IL16: variants seen among roughly 807,000 people sequenced by gnomAD.
The protein encoded by IL16 is interleukin 16, also known as pro-interleukin-16.
In IL16, 67 loss-of-function variants were observed where a neutral mutation model predicts 110.1. The ratio of observed to expected loss-of-function variants is 0.61; its 90% CI spans 0.50 to 0.75. IL16 has a LOEUF of 0.75. Among genes scored for constraint, IL16 ranks in the 30% least tolerant of loss-of-function variants. The probability of loss-of-function intolerance (pLI) is 0.00; values close to 1 mark genes in which losing one functional copy is unlikely to be tolerated. For synonymous variants in IL16, 689 were observed against 662.9 expected (o/e 1.04, Z -0.61); for missense variants, 1,545 against 1,655.0 (o/e 0.93, Z 1.15).
intron 2 of IL16, among the ~76,000 whole-genome samples, chr15:81,244,136 G>T (rs1897450863): frequency 6.6e-6 from 1 of 152,080 alleles, no homozygotes; most frequent in Admixed American, 6.5e-5. Context: ...CCTCGTTTAT[G>T]CTATAATTGT....
intron 1 of IL16, among the ~76,000 whole-genome samples, chr15:81,212,692 A>ACT (rs1896294224): frequency 6.6e-6 from 1 of 152,030 alleles, no homozygotes; most frequent in Non-Finnish European, 1.5e-5. Context: ...GGCTGGTCTT[A>ACT]AACTCCTGAC....
Position 81,290,480 on chromosome 15 carries a change from G to A in IL16, c.1360G>A (p.Val454Met). 1 of 1,613,370 alleles carries A rather than the reference G, an allele frequency of 6.2e-7. No individual in the cohort carries two copies. The highest frequency in any genetic ancestry group is 1.7e-5 in the Admixed American group (1 of 59,914). Reference protein sequence around the residue: ...QVSEQQLKEAVAQAVENTKFG... With the variant: ...QVSEQQLKEAMAQAVENTKFG... ...CTCTGAACAGCAACTCAAAGAAGCT[G>A]TGGCCCAGGCTGTGGAAAACACCAA... The change falls in exon 11 of 19, where the codon GTG becomes ATG. Residue 454 changes from valine to methionine, a missense_variant. Coordinates refer to ENST00000683961, the MANE Select transcript of IL16 (RefSeq NM_172217.5).
At chr15:81,259,284 A>T (rs771183509) in intron 2 of IL16, among the ~76,000 whole-genome samples, 4 of 152,220 alleles carry the variant, frequency 2.6e-5, no homozygotes, top group Non-Finnish European at 5.9e-5. Flanking sequence ...AACTTGCTCG[A>T]TCTTTCTCTC....
intron 1 of IL16, among the ~76,000 whole-genome samples, chr15:81,206,951 A>C (rs567390287): frequency 6.6e-6 from 1 of 152,250 alleles, no homozygotes; most frequent in East Asian, 1.9e-4. Flanking sequence ...ATTTACATCC[A>C]GGCCAGGTGT....
chr15:81,190,397 A>G (rs1387702991), intron 1 of IL16, among the ~76,000 whole-genome samples: 1 of 152,230 alleles, frequency 6.6e-6, no homozygotes, highest in Non-Finnish European at 1.5e-5. Context: ...GATGCTCAGC[A>G]CGGCAATGTT....
intron 2 of IL16, among the ~76,000 whole-genome samples, chr15:81,245,919 A>G (rs1897529906): frequency 6.6e-6 from 1 of 151,692 alleles, no homozygotes; most frequent in Admixed American, 6.6e-5. Context: ...TCAAATATCT[A>G]GAGTTTTTAG....
At chr15:81,255,820 T>C (rs557833967) in intron 2 of IL16, among the ~76,000 whole-genome samples, 1 of 152,330 alleles carries the variant, frequency 6.6e-6, no homozygotes, top group African/African-American at 2.4e-5. Flanking sequence ...CTGCCATCAA[T>C]TGGCTTTACA....
At chr15:81,214,255 G>C (rs538219580) in intron 1 of IL16, among the ~76,000 whole-genome samples, 13 of 152,274 alleles carry the variant, frequency 8.5e-5, no homozygotes, top group Admixed American at 6.5e-4. Context: ...GTGGTAGCAG[G>C]TGTCATCCTT....
At chr15:81,279,497 G>A in intron 7 of IL16, 61 bp from the exon 8 acceptor site, 2 of 1,205,254 alleles carry the variant, frequency 1.7e-6, no homozygotes, top group Non-Finnish European at 2.4e-6. Context: ...TCCTTAAACA[G>A]TATTTCTTCA....
intron 9 of IL16, among the ~76,000 whole-genome samples, chr15:81,283,397 G>A (rs1248263761): frequency 6.6e-6 from 1 of 152,052 alleles, no homozygotes; most frequent in Non-Finnish European, 1.5e-5. Flanking sequence ...GAATGATCTG[G>A]GCATAGCTCA....
At chr15:81,261,726 T>C (rs976717038) in intron 3 of IL16, among the ~76,000 whole-genome samples, 21 of 152,116 alleles carry the variant, frequency 1.4e-4, no homozygotes, top group African/African-American at 4.8e-4. Context: ...GTGTGCCTTT[T>C]GTTTCTTCCC....
intron 16 of IL16, chr15:81,305,667 G>A (rs1233084827): frequency 5.4e-6 from 3 of 557,852 alleles, no homozygotes; most frequent in Admixed American, 3.2e-5. Flanking sequence ...ACTATAGGAC[G>A]TTGTGTTGGG....
intron 12 of IL16, among the ~76,000 whole-genome samples, chr15:81,293,903 T>C (rs17875577): frequency 0.065 from 9,960 of 152,282 alleles, 469 homozygotes; most frequent in Non-Finnish European, 0.096. Context: ...AGAGTCCCAG[T>C]TGTGCAAAGA....
intron 12 of IL16, among the ~76,000 whole-genome samples, chr15:81,295,968 G>A (rs772518013): frequency 1.3e-5 from 2 of 152,172 alleles, no homozygotes; most frequent in East Asian, 1.9e-4. Context: ...GGAGGCCACC[G>A]CAGTATAGCA....
At position 81,310,787 on chromosome 15, in the gene IL16, G is replaced by A. The variant is rs1313250600; in HGVS notation, c.*1989G>A. The A allele has an allele frequency of 6.6e-6, 1 of 152,300 alleles. No homozygotes were observed. The highest frequency in any genetic ancestry group is 1.5e-5 in the Non-Finnish European group (1 of 68,156). The allele number at this position is 152,300 out of a possible 1,614,324, so 9.4% of individuals were successfully genotyped here. ...ATCAAGACTGGAAGGTGGGGACAGG[G>A]ATGAGCATGGAGCTGGCCGTGGGCC... On this transcript the variant is annotated 3_prime_UTR_variant, in exon 19 of 19. Coordinates refer to ENST00000683961, the MANE Select transcript of IL16 (RefSeq NM_172217.5).
intron 15 of IL16, among the ~76,000 whole-genome samples, chr15:81,302,817 A>G (rs373417009): frequency 9.9e-5 from 15 of 152,170 alleles, no homozygotes; most frequent in African/African-American, 3.6e-4. Flanking sequence ...GCCTACGTAG[A>G]GCTGACCCTT....
Position 81,292,540 on chromosome 15 carries a change from T to C in IL16, c.1421-16T>C. On this transcript the variant is annotated splice_polypyrimidine_tract_variant and intron_variant, in intron 11 of 18. Transcript: ENST00000683961. The stretch of plus-strand genomic sequence containing the variant: ...TGAAGCTCAGCTGTGAAGATTCTCT[T>C]GTGCTTCCCACACAGGTGTCAAAAG... 1 of 1,610,368 alleles carries C rather than the reference T, an allele frequency of 6.2e-7. No homozygotes were observed. The highest frequency in any genetic ancestry group is 8.5e-7 in the Non-Finnish European group (1 of 1,177,260).
Position 81,282,620 on chromosome 15 carries a change from C to G in IL16, c.1082-19C>G, listed in dbSNP as rs754867149. 1.9e-6 allele frequency: 3 copies of G among 1,596,974 alleles called. No homozygotes were observed. ...AAGCTCAGTCCCGGTCTCCCCACCC[C>G]GCCCTGTTCTGCTTCCAGAGGCCGG... is the stretch of plus-strand genomic sequence containing the variant. On this transcript the variant is annotated intron_variant, in intron 8 of 18. Transcript: ENST00000683961.
intron 1 of IL16, chr15:81,188,552 T>C (rs74639442): frequency 0.13 from 53,481 of 421,060 alleles, 5,774 homozygotes; most frequent in South Asian, 0.29. Flanking sequence ...GCCCAGGGGA[T>C]AGGTACTCAG....
Sources: gnomAD v4.1 joint callset for allele counts (sites outside exome capture counted in the v4.1 genomes callset) on GRCh38, gnomAD v4.1.1 for gene constraint, MANE v1.5 for transcripts, NCBI Gene and HGNC (gene_info 2026-07-23, HGNC 2026-07-21) for gene names.